Variants in APC observed in about 807,000 individuals in gnomAD.
APC encodes APC regulator of Wnt signaling pathway, also known as adenomatous polyposis coli protein.
In APC, 72 loss-of-function variants were observed where a neutral mutation model predicts 247.0. The observed-to-expected ratio is 0.29, with a 90% confidence interval of 0.24 to 0.35. The LOEUF (loss-of-function observed/expected upper bound fraction) is 0.35. Ranked by LOEUF, APC falls within the 10% of genes least tolerant of loss-of-function variation. The pLI, the probability that APC is intolerant of heterozygous loss-of-function variation, is 1.00. For synonymous variants in APC, 1,254 were observed against 1,162.5 expected, an observed-to-expected ratio of 1.08 and a Z score of -1.60; for missense variants, 3,400 against 3,360.7, an observed-to-expected ratio of 1.01 and a Z score of -0.29.
At chr5:112,814,982 A>T (rs1170630175) in intron 8 of APC, among the ~76,000 whole-genome samples, 1 of 152,138 alleles carries the variant, frequency 6.6e-6, no homozygotes, top group Non-Finnish European at 1.5e-5. Flanking sequence ...TGTTTTGTTC[A>T]TTCTTCTACT....
chr5:112,807,483 C>G (rs554453079), intron 8 of APC, among the ~76,000 whole-genome samples: 5 of 151,356 alleles, frequency 3.3e-5, no homozygotes, highest in African/African-American at 1.2e-4. Flanking sequence ...CTTTTCCTAT[C>G]TATATGTGGT....
intron 13 of APC, 25 bp from the exon 14 acceptor site, chr5:112,828,831 T>A (rs1175648809): frequency 6.7e-7 from 1 of 1,498,990 alleles, no homozygotes; most frequent in African/African-American, 1.4e-5. Context: ...ATGTATAAAT[T>A]AATCTAAAAT....
upstream of APC, chr5:112,737,730 G>T: frequency 1.6e-6 from 1 of 617,768 alleles, no homozygotes; most frequent in Non-Finnish European, 2.0e-6. Context: ...GCCCCACTGC[G>T]GAGTGCGGGT....
intron 15 of APC, among the ~76,000 whole-genome samples, chr5:112,835,603 C>T (rs1764806604): frequency 1.4e-5 from 2 of 145,510 alleles, no homozygotes; most frequent in Admixed American, 1.4e-4. Flanking sequence ...GACAGGGTCT[C>T]ACTCTGTCTC....
intron 1 of APC, among the ~76,000 whole-genome samples, chr5:112,743,770 C>G (rs757114394): frequency 6.6e-5 from 10 of 152,144 alleles, no homozygotes; most frequent in Non-Finnish European, 1.5e-4. Context: ...TCTTACCAGT[C>G]ATTGAACTTA....
At chr5:112,771,138 A>G (rs367740875) in intron 4 of APC, among the ~76,000 whole-genome samples, 38 of 152,154 alleles carry the variant, frequency 2.5e-4, no homozygotes, top group African/African-American at 7.9e-4. Flanking sequence ...TTTGCTCCCT[A>G]TTGATAGAAT....
At chr5:112,726,332 A>G (rs1459094798) in intron 1 of APC, among the ~76,000 whole-genome samples, 1 of 152,132 alleles carries the variant, frequency 6.6e-6, no homozygotes, top group Non-Finnish European at 1.5e-5. Flanking sequence ...TCTCAGTGAG[A>G]TGGATGGGGA....
chr5:112,753,058 T>G lies in APC; in HGVS notation c.-18-1815T>G, dbSNP rs769073607. Among the ~76,000 whole-genome samples, 11 of 152,162 alleles carry G rather than the reference T, an allele frequency of 7.2e-5. No individual in the cohort carries two copies. Among genetic ancestry groups the G allele is most frequent in the Non-Finnish European group, 1.2e-4 (8 of 67,990 alleles). On this transcript the variant is annotated intron_variant, in intron 1 of 15. Transcript: ENST00000257430. ...TTTTTCTCTGTTACTACCTTTTCTC[T>G]TATTTTGTTTTATTATTTTGATGTA...
intron 6 of APC, among the ~76,000 whole-genome samples, chr5:112,783,590 C>T (rs914339434): frequency 3.4e-5 from 5 of 145,136 alleles, no homozygotes; most frequent in Non-Finnish European, 6.0e-5. Context: ...CCCAGGAGTT[C>T]GAGACCAGCC....
Position 112,837,589 on chromosome 5 carries a change from A to T in APC, c.1995A>T (p.Leu665Phe). The change falls in exon 16 of 16, where the codon TTA becomes TTT. Residue 665 changes from leucine (L) to phenylalanine (F), a missense_variant. Transcript: ENST00000257430. The stretch of plus-strand genomic sequence containing the variant: ...GAGAGAACAACTGTCTACAAACTTT[A>T]TTACAACACTTAAAATCTCATAGTT... ...ILRENNCLQT[L>F]LQHLKSHSLT... 6.2e-7 allele frequency: 1 copy of T among 1,612,970 alleles called. No individual in the cohort carries two copies. Among genetic ancestry groups the T allele is most frequent in the Non-Finnish European group, 8.5e-7 (1 of 1,179,056 alleles).
chr5:112,753,874 T>C (rs1002508802), intron 1 of APC, among the ~76,000 whole-genome samples: 1 of 152,240 alleles, frequency 6.6e-6, no homozygotes, highest in Non-Finnish European at 1.5e-5. Flanking sequence ...ACTTTTTAGC[T>C]ATTAAGTAAT....
At chr5:112,826,619 T>A (rs1763689701) in intron 11 of APC, among the ~76,000 whole-genome samples, 1 of 151,718 alleles carries the variant, frequency 6.6e-6, no homozygotes, top group African/African-American at 2.4e-5. Flanking sequence ...TTTTAGTTTT[T>A]CTTCATGCAC....
At chr5:112,771,027 T>A (rs1756987530) in intron 4 of APC, among the ~76,000 whole-genome samples, 1 of 152,162 alleles carries the variant, frequency 6.6e-6, no homozygotes, top group Non-Finnish European at 1.5e-5. Flanking sequence ...CATGTTTTTT[T>A]ATTCTGTAAA....
chr5:112,843,922 T>A lies in APC; in HGVS notation c.8328T>A (p.Thr2776=), dbSNP rs776639348. Residue 2776 remains threonine, a synonymous_variant, in exon 16 of 16, where the codon ACT becomes ACA. Coordinates refer to ENST00000257430, the MANE Select transcript of APC (RefSeq NM_000038.6). The surrounding 1 kb of genome is among the most constrained non-coding windows in gnomAD (Gnocchi z 4.8). ...SSSKHSSPSG[T]VAARVTPFNY... is the part of the protein sequence containing the mutation. ...GCAAACACAGTTCACCTAGTGGGAC[T>A]GTTGCTGCCAGAGTGACTCCTTTTA... 3.1e-6 allele frequency: 5 copies of A among 1,612,774 alleles called. No individual in the cohort carries two copies. Among genetic ancestry groups the A allele is most frequent in the East Asian group, 4.5e-5 (2 of 44,858 alleles).
At chr5:112,792,410 A>G in intron 6 of APC, 36 bp from the exon 7 acceptor site, 3 of 1,386,108 alleles carry the variant, frequency 2.2e-6, no homozygotes, top group African/African-American at 1.4e-5. Flanking sequence ...ATTATTAATA[A>G]AAACATAACT....
chr5:112,797,133 TATG>T (rs1029401680), intron 7 of APC, among the ~76,000 whole-genome samples: 2 of 152,200 alleles, frequency 1.3e-5, no homozygotes, highest in African/African-American at 4.8e-5. Context: ...TGTCTGCTAC[TATG>T]ATCCAACCTC....
chr5:112,731,365 C>T (rs977850612), intron 1 of APC, among the ~76,000 whole-genome samples: 1 of 152,168 alleles, frequency 6.6e-6, no homozygotes, highest in African/African-American at 2.4e-5. Context: ...GGAGCTGAGA[C>T]GTCCAAGAGC....
chr5:112,804,225 C>T (rs1330903085), intron 8 of APC, among the ~76,000 whole-genome samples: 1 of 152,216 alleles, frequency 6.6e-6, no homozygotes, highest in Non-Finnish European at 1.5e-5. Flanking sequence ...TATTCCTGCT[C>T]TCATAGTGCT....
intron 6 of APC, among the ~76,000 whole-genome samples, chr5:112,789,765 A>G (rs1021858240): frequency 1.2e-4 from 18 of 152,216 alleles, no homozygotes; most frequent in Admixed American, 1.3e-4. Flanking sequence ...CATCTTTGCA[A>G]TATCTTTAGA....
Sources: allele counts gnomAD v4.1 joint callset (sites outside exome capture counted in the v4.1 genomes callset), GRCh38; gene constraint gnomAD v4.1.1; non-coding constraint Gnocchi (gnomAD v3.1); transcripts MANE v1.5; gene names NCBI Gene and HGNC (gene_info 2026-07-23, HGNC 2026-07-21).